Variants in EPHB4 observed in about 807,000 individuals in gnomAD.
EPHB4 encodes ephrin type-B receptor 4.
Under a neutral mutation model 110.6 loss-of-function variants are expected in EPHB4, and 50 were observed. That is an observed-to-expected ratio of 0.45 (90% confidence interval 0.36 to 0.57). The LOEUF is 0.57. EPHB4 is among the 20% of genes least tolerant of loss of function. EPHB4 has a pLI of 0.00. For synonymous variants in EPHB4, 592 were observed against 578.4 expected (o/e 1.02, Z -0.34); for missense variants, 1,128 against 1,382.1 (o/e 0.82, Z 2.91).
rs1221799355 is a variant in EPHB4 at position 100,802,728 on chromosome 7, G to C, written c.*733C>G. 3 of 152,214 alleles carry C rather than the reference G, an allele frequency of 2.0e-5. No individual in the cohort carries two copies. The highest frequency in any genetic ancestry group is 6.6e-5 in the Admixed American group (1 of 15,266). 9.4% of individuals were successfully genotyped at this position (152,214 alleles called of 1,614,324 possible). On this transcript the variant is annotated 3_prime_UTR_variant, in exon 17 of 17. Transcript: ENST00000358173. ...ACCCCACACCCCTTCATAGGACACA[G>C]CTTGGGGGTCCCAGGCGGGGTCCGG...
intron 16 of EPHB4, 91 bp downstream of exon 16, chr7:100,805,075 A>C (rs1812786663): frequency 9.5e-6 from 14 of 1,478,126 alleles, no homozygotes; most frequent in Non-Finnish European, 1.3e-5. Context: ...TTGGCACCCG[A>C]AGCTGACCCC....
rs148818692 is a variant in EPHB4, at chr7:100,817,226, G to A, written c.1554C>T (p.Phe518=). Residue 518 remains phenylalanine, a synonymous_variant, in exon 8 of 17, where the codon TTC becomes TTT. Transcript: ENST00000358173. ...RARSEAGYGP[F]GQEHHSQTQL... is the part of the protein sequence containing the mutation. ...GGGTCTGGCTGTGATGTTCCTGGCCGAAGGGCCCGTAGCCGGCCTCAGAGC... is the reference window on the plus strand; with the variant it reads ...GGGTCTGGCTGTGATGTTCCTGGCCAAAGGGCCCGTAGCCGGCCTCAGAGC... The A allele has an allele frequency of 3.1e-5, 50 of 1,590,076 alleles. No homozygotes were observed. Among genetic ancestry groups the A allele is most frequent in the East Asian group, 1.4e-4 (6 of 42,254 alleles).
Position 100,823,764 on chromosome 7 carries a change from G to A in EPHB4, c.291C>T (p.Cys97=). 6.2e-7 allele frequency: 1 copy of A among 1,613,596 alleles called. No individual in the cohort carries two copies. ...AGCGCCCAGCCCGAGGCAGGGACAG[G>A]CACTCGAGCATGGTGAAGCGCAGCG... ...YATLRFTMLE[C]LSLPRAGRSC... Residue 97 remains cysteine (C), a synonymous_variant, in exon 3 of 17, where the codon TGC becomes TGT. Coordinates refer to ENST00000358173, the MANE Select transcript of EPHB4 (RefSeq NM_004444.5).
At position 100,812,753 on chromosome 7, in the gene EPHB4, G is replaced by C; in HGVS notation, c.2112C>G (p.Phe704Leu). Residue 704 changes from phenylalanine (F) to leucine (L), a missense_variant, in exon 12 of 17, where the codon TTC becomes TTG. By Grantham distance (22) the Phe-to-Leu change is conservative. Transcript: ENST00000358173. ...EFMENGALDSFLRLNDGQFTV... is the reference protein window; with the variant it reads ...EFMENGALDSLLRLNDGQFTV... ...AGCCAGGGAGGGTGCTCACCCGCAG[G>C]AAGGAGTCCAGGGCGCCGTTCTCCA... 6.2e-7 allele frequency: 1 copy of C among 1,613,102 alleles called. No homozygotes were observed. The highest frequency in any genetic ancestry group is 1.3e-5 in the African/African-American group (1 of 75,066).
At chr7:100,821,148 C>A (rs556038765) in intron 4 of EPHB4, 2 of 150,534 alleles carry the variant, frequency 1.3e-5, no homozygotes, top group South Asian at 4.3e-4. Flanking sequence ...ACTCCCAGAC[C>A]GGAGTGCAGT....
chr7:100,825,483 G>C (rs201497259), intron 1 of EPHB4: 4 of 152,272 alleles, frequency 2.6e-5, no homozygotes, highest in African/African-American at 9.7e-5. Context: ...CCCTTTCTGC[G>C]TCCCAGCTCA....
intron 15 of EPHB4, 52 bp from the exon 16 acceptor site, chr7:100,805,373 G>A (rs1190932120): frequency 9.3e-6 from 15 of 1,608,538 alleles, no homozygotes; most frequent in Non-Finnish European, 1.1e-5. Flanking sequence ...AGGTCCGGGG[G>A]AGGAGGTGGA....
chr7:100,819,764 A>C lies in EPHB4; in HGVS notation c.1090T>G (p.Cys364Gly). The stretch of plus-strand genomic sequence containing the variant: ...GGCGCACAGGAGCCTCCGGGTCGGC[A>C]CTCCCGGCAGCGGAGGGCGTAGGTG... Reference protein sequence around the residue: ...DLTYALRCRECRPGGSCAPCG... With the variant: ...DLTYALRCREGRPGGSCAPCG... The change falls in exon 6 of 17, where the codon TGC becomes GGC. Residue 364 changes from cysteine (C) to glycine (G), a missense_variant. By Grantham distance (159) the Cys-to-Gly change is radical (BLOSUM62 -3). Transcript: ENST00000358173. The C allele has an allele frequency of 6.3e-7, 1 of 1,599,144 alleles. No individual in the cohort carries two copies.
At chr7:100,819,938 TGGGGAGAG>T in intron 5 of EPHB4, 49 bp from the exon 6 acceptor site, 1 of 1,508,266 alleles carries the variant, frequency 6.6e-7, no homozygotes, top group Non-Finnish European at 8.9e-7. Context: ...TCTGCGGTGG[TGGGGAGAG>T]GGCAATGGAG....
chr7:100,805,483 A>G lies in EPHB4; in HGVS notation c.2678+18T>C. ...GGGCAGAGAGCGGGAAGGAGGGCCC[A>G]TTCTCTGCAGTCCTCACCCGCCATT... On this transcript the variant is annotated intron_variant, in intron 15 of 16. Transcript: ENST00000358173. 1 of 1,528,528 alleles carries G rather than the reference A, an allele frequency of 6.5e-7. No homozygotes were observed. The highest frequency in any genetic ancestry group is 2.3e-5 in the East Asian group (1 of 44,080). The allele number at this position is 1,528,528 out of a possible 1,614,324, so 94.7% of individuals were successfully genotyped here.
Position 100,822,840 on chromosome 7 carries a change from T to A in EPHB4, c.412-173A>T, listed in dbSNP as rs1353542531. Among the ~76,000 whole-genome samples, 1 of 152,186 alleles carries A rather than the reference T, an allele frequency of 6.6e-6. No individual in the cohort carries two copies. Among genetic ancestry groups the A allele is most frequent in the African/African-American group, 2.4e-5 (1 of 41,440 alleles). ...AGGCCCCCACACTGTCCATTCAGCCTTGCAAAGCTCCTGCGATATGCCCGG... is the reference window on the plus strand; with the variant it reads ...AGGCCCCCACACTGTCCATTCAGCCATGCAAAGCTCCTGCGATATGCCCGG... On this transcript the variant is annotated intron_variant, in intron 3 of 16. Transcript: ENST00000358173. The surrounding 1 kb of genome is among the most constrained non-coding windows in gnomAD (Gnocchi z 4.7).
In EPHB4 at chr7:100,807,380, G is replaced by A. The variant is rs984719753; in HGVS notation, c.2319C>T (p.Thr773=). ...RFLEENSSDP[T]YTSSLGGKIP... is the part of the protein sequence containing the mutation. ...CCAGCATTACCAGGGAGCTCGTGTA[G>A]GTGGGATCGGAAGAGTTCTCCTCCA... Residue 773 remains threonine (T), a synonymous_variant, in exon 13 of 17, where the codon ACC becomes ACT. Transcript: ENST00000358173. 6.2e-7 allele frequency: 1 copy of A among 1,613,848 alleles called. No individual in the cohort carries two copies. Among genetic ancestry groups the A allele is most frequent in the Non-Finnish European group, 8.5e-7 (1 of 1,179,950 alleles).
chr7:100,823,499 C>A, intron 3 of EPHB4, 145 bp downstream of exon 3: 5 of 1,108,884 alleles, frequency 4.5e-6, no homozygotes, highest in Non-Finnish European at 5.0e-6. Flanking sequence ...TCACCCCCTT[C>A]CCTCCCCAGA....
rs562773104 is a variant in EPHB4, at chr7:100,805,045, C to T, written c.2834+121G>A. ...GGGGCCCTTCTAGGCATGGCATGAG[C>T]GCAGTGCAAGAAGACAGCATTGGCA... On this transcript the variant is annotated intron_variant, in intron 16 of 16. Transcript: ENST00000358173. The T allele has an allele frequency of 1.4e-4, 176 of 1,268,576 alleles. No individual in the cohort carries two copies. In the South Asian group the frequency reaches 2.2e-3, roughly 16 times the overall value. The allele number at this position is 1,268,576 out of a possible 1,614,324, so 78.6% of individuals were successfully genotyped here. A position where few individuals can be genotyped will look rare whatever the true frequency, so the allele number is the denominator to read the frequency against.
chr7:100,803,664 G>T (rs575232072), intron 16 of EPHB4, 74 bp from the exon 17 acceptor site: 3 of 1,472,130 alleles, frequency 2.0e-6, no homozygotes, highest in Admixed American at 2.2e-5. Flanking sequence ...CTCCTGAGAC[G>T]GTCCTAGCCT....
At chr7:100,818,473 A>G in intron 7 of EPHB4, 47 bp downstream of exon 7, 1 of 1,601,088 alleles carries the variant, frequency 6.2e-7, no homozygotes. Context: ...CAGCCAGGAG[A>G]GCACAACCCA....
At chr7:100,815,106 C>T (rs1213402278) in intron 8 of EPHB4, among the ~76,000 whole-genome samples, 5 of 151,554 alleles carry the variant, frequency 3.3e-5, no homozygotes, top group Non-Finnish European at 5.9e-5. Context: ...ATTGCCTGAG[C>T]TCAGGAGTTC....
In EPHB4 at chr7:100,823,689, C is replaced by T. The variant is rs146092347; in HGVS notation, c.366G>A (p.Thr122=). 205 of 1,613,470 alleles carry T rather than the reference C, an allele frequency of 1.3e-4. No individual in the cohort carries two copies. The African/African-American group carries it at 1.5e-3, about 12-fold the overall frequency. The stretch of plus-strand genomic sequence containing the variant: ...TCCAGGCTGGCGTGAGGGCCGTGGC[C>T]GTGTCCGCATCGCTCTCATAGTAGA... ...TVFYYESDAD[T]ATALTPAWME... Residue 122 remains threonine, a synonymous_variant, in exon 3 of 17, where the codon ACG becomes ACA. Coordinates refer to ENST00000358173, the MANE Select transcript of EPHB4 (RefSeq NM_004444.5).
chr7:100,805,726 C>T, intron 14 of EPHB4, 32 bp from the exon 15 acceptor site: 1 of 1,413,022 alleles, frequency 7.1e-7, no homozygotes, highest in Non-Finnish European at 9.2e-7. Context: ...CTGGGTGAGG[C>T]TGTCCAGGAA....
Sources: allele counts gnomAD v4.1 joint callset (sites outside exome capture counted in the v4.1 genomes callset), GRCh38; gene constraint gnomAD v4.1.1; non-coding constraint Gnocchi (gnomAD v3.1); transcripts MANE v1.5; gene names NCBI Gene and HGNC (gene_info 2026-07-23, HGNC 2026-07-21).